PROM1: variants seen among roughly 807,000 people sequenced by gnomAD.
PROM1 encodes prominin-1.
Under a neutral mutation model 116.9 loss-of-function variants are expected in PROM1, and 105 were observed. That is an observed-to-expected ratio of 0.90 (90% CI 0.77 to 1.06). The LOEUF is 1.06. Among genes scored for constraint, PROM1 ranks in the 50% least tolerant of loss-of-function variants. The pLI, the probability that PROM1 is intolerant of heterozygous loss-of-function variation, is 0.00. For missense variants in PROM1, 1,122 were observed against 1,045.2 expected, an observed-to-expected ratio of 1.07 and a Z score of -1.01; for synonymous variants, 393 against 387.0, an observed-to-expected ratio of 1.02 and a Z score of -0.18.
At chr4:15,997,494 T>C (rs1282471505) in intron 15 of PROM1, among the ~76,000 whole-genome samples, 1 of 151,870 alleles carries the variant, frequency 6.6e-6, no homozygotes, top group African/African-American at 2.4e-5. Context: ...AAAGTCTCAC[T>C]CTTTTGCCCG....
intron 8 of PROM1, among the ~76,000 whole-genome samples, chr4:16,021,270 T>C (rs562688030): frequency 1.3e-5 from 2 of 152,154 alleles, no homozygotes; most frequent in Non-Finnish European, 2.9e-5. Flanking sequence ...TGAGTTATCT[T>C]TTACCTAAAA....
intron 2 of PROM1, among the ~76,000 whole-genome samples, chr4:16,070,993 AAAGTT>A (rs1742680986): frequency 6.6e-6 from 1 of 152,218 alleles, no homozygotes; most frequent in Non-Finnish European, 1.5e-5. Context: ...AAAGGGTCTG[AAAGTT>A]AGACAACTTA....
Position 15,987,707 on chromosome 4 carries a change from A to G in PROM1, c.2086T>C (p.Tyr696His), listed in dbSNP as rs768253301. Residue 696 changes from tyrosine to histidine, a missense_variant, in exon 20 of 28, where the codon TAC (tyrosine) becomes CAC (histidine). By Grantham distance (83) the Tyr-to-His change is moderately conservative. Coordinates refer to ENST00000447510, the MANE Select transcript of PROM1 (RefSeq NM_006017.3). ...CGTTGAAGTATCTTGACGCTTTGGT[A>G]TAGAGTGCTCTGGCAAGAAACAGAT... Reference protein sequence around the residue: ...LPIEQSLSTLYQSVKILQRTG... With the variant: ...LPIEQSLSTLHQSVKILQRTG... The G allele has an allele frequency of 2.5e-6, 4 of 1,611,250 alleles. No individual in the cohort carries two copies. Among genetic ancestry groups the G allele is most frequent in the Non-Finnish European group, 3.4e-6 (4 of 1,179,054 alleles).
intron 9 of PROM1, 121 bp from the exon 10 acceptor site, chr4:16,016,361 A>C: frequency 1.3e-6 from 1 of 769,986 alleles, no homozygotes; most frequent in South Asian, 1.9e-5. Flanking sequence ...GTACAATCGC[A>C]GTTTCTTTTG....
intron 14 of PROM1, 54 bp downstream of exon 14, chr4:16,000,442 G>C: frequency 6.8e-7 from 1 of 1,463,718 alleles, no homozygotes; most frequent in Admixed American, 1.9e-5. Context: ...AATATATGAA[G>C]AAATCCAAGT....
chr4:15,991,833 G>C (rs535724204), intron 17 of PROM1, among the ~76,000 whole-genome samples: 1 of 151,834 alleles, frequency 6.6e-6, no homozygotes, highest in East Asian at 1.9e-4. Flanking sequence ...CCACTCGGGA[G>C]GCTGAGGCAG....
At position 16,025,278 on chromosome 4, in the gene PROM1, G is replaced by A; in HGVS notation, c.544C>T (p.Gln182Ter). The change falls in exon 6 of 28, where the codon CAG (glutamine) becomes TAG (stop). Residue 182 changes from glutamine to a stop codon, truncating the protein, a stop_gained. Coordinates refer to ENST00000447510, the MANE Select transcript of PROM1 (RefSeq NM_006017.3). LOFTEE classifies it high-confidence loss of function. ...GIFYGFVANH[Q>*]VRTRIKRSRK... The stretch of plus-strand genomic sequence containing the variant: ...CTCCTTTTGATCCGGGTTCTTACCT[G>A]GTGATTTGCCACAAAACCATAGAAG... 1.2e-6 allele frequency: 2 copies of A among 1,613,882 alleles called. No homozygotes were observed. The highest frequency in any genetic ancestry group is 1.1e-5 in the South Asian group (1 of 91,082).
chr4:15,993,303 C>T (rs913236724), intron 16 of PROM1, among the ~76,000 whole-genome samples: 1 of 152,144 alleles, frequency 6.6e-6, no homozygotes, highest in African/African-American at 2.4e-5. Context: ...TAGATTCTTT[C>T]TGGCAGAAAG....
intron 4 of PROM1, among the ~76,000 whole-genome samples, chr4:16,035,372 A>AT (rs1014884996): frequency 3.9e-5 from 6 of 152,220 alleles, no homozygotes; most frequent in African/African-American, 9.6e-5. Context: ...AAATGCACTA[A>AT]TTTTAGCTTT....
rs1295259849 is a variant in PROM1 at position 15,998,437 on chromosome 4, CAG to C, written c.1628_1629del (p.Ser543TrpfsTer5). On this transcript the variant is annotated frameshift_variant, in exon 15 of 28. Coordinates refer to ENST00000447510, the MANE Select transcript of PROM1 (RefSeq NM_006017.3). LOFTEE classifies it high-confidence loss of function. ...ATTTTTGATTTATTAAATAGCTTCCCAGAGAGATAGTATTCCCAGTCTTCATT... is the reference window on the plus strand; with the variant it reads ...ATTTTTGATTTATTAAATAGCTTCCCAGAGATAGTATTCCCAGTCTTCATT... ...LLNEDWEYYL[S>X]GKLFNKSKMK... 1.2e-6 allele frequency: 2 copies of C among 1,609,408 alleles called. No homozygotes were observed. The highest frequency in any genetic ancestry group is 1.7e-6 in the Non-Finnish European group (2 of 1,178,720).
At position 16,011,562 on chromosome 4, in the gene PROM1, A is replaced by G. The variant is rs190200619; in HGVS notation, c.1141+1713T>C. 2.0e-3 allele frequency among the ~76,000 whole-genome samples: 299 copies of G among 152,308 alleles called. 1 individual carries two copies. The highest frequency in any genetic ancestry group is 6.9e-3 in the African/African-American group (285 of 41,564). On this transcript the variant is annotated intron_variant, in intron 11 of 27. Transcript: ENST00000447510. Reference sequence around the variant, plus strand: ...GGCCGCACTCAATGCACGCAGCACAATTTGCTGTGTCAGACTTACAAGGAA... The same window carrying G: ...GGCCGCACTCAATGCACGCAGCACAGTTTGCTGTGTCAGACTTACAAGGAA...
chr4:16,067,156 C>A (rs1047172228), intron 2 of PROM1, among the ~76,000 whole-genome samples: 2 of 152,210 alleles, frequency 1.3e-5, no homozygotes, highest in African/African-American at 4.8e-5. Context: ...CAGATCTCCT[C>A]CTCCATGGAG....
At chr4:15,996,426 C>T (rs1722351268) in intron 15 of PROM1, among the ~76,000 whole-genome samples, 1 of 152,130 alleles carries the variant, frequency 6.6e-6, no homozygotes, top group African/African-American at 2.4e-5. Flanking sequence ...AGGAGAATCG[C>T]TTGAACCCAG....
chr4:16,048,590 A>C (rs745952777), intron 2 of PROM1, among the ~76,000 whole-genome samples: 1 of 152,076 alleles, frequency 6.6e-6, no homozygotes, highest in South Asian at 2.1e-4. Context: ...TTTTATTTAA[A>C]ATGCAAGTTG....
chr4:16,074,912 T>A (rs115608183), intron 2 of PROM1, among the ~76,000 whole-genome samples: 2,406 of 152,326 alleles, frequency 0.016, 27 homozygotes, highest in South Asian at 0.024. Flanking sequence ...TGTAATCAAA[T>A]CTTTGTAACT....
chr4:16,013,449 A>T (rs1163865889), intron 10 of PROM1, 111 bp from the exon 11 acceptor site: 4 of 720,372 alleles, frequency 5.6e-6, no homozygotes, highest in Admixed American at 4.0e-5. Flanking sequence ...AAAATATAAC[A>T]TTCATCTTAA....
intron 1 of PROM1, chr4:16,076,655 T>G (rs888904943): frequency 6.5e-6 from 1 of 153,646 alleles, no homozygotes; most frequent in Non-Finnish European, 1.4e-5. Flanking sequence ...GTGCCCTCCC[T>G]AATGTGGGGA....
intron 2 of PROM1, chr4:16,055,526 C>T (rs1320549917): frequency 4.5e-6 from 2 of 441,458 alleles, no homozygotes; most frequent in Non-Finnish European, 9.1e-6. Flanking sequence ...TCCCTAGAAC[C>T]AAATAGCCTA....
intron 3 of PROM1, among the ~76,000 whole-genome samples, chr4:16,037,342 C>A (rs1037391980): frequency 6.6e-5 from 10 of 152,170 alleles, no homozygotes; most frequent in African/African-American, 2.4e-4. Context: ...AAATGCTTTC[C>A]ACGGTGCTGG....
Sources: allele counts gnomAD v4.1 joint callset (sites outside exome capture counted in the v4.1 genomes callset), GRCh38; gene constraint gnomAD v4.1.1; transcripts MANE v1.5; gene names NCBI Gene and HGNC (gene_info 2026-07-23, HGNC 2026-07-21).